The following TMEM132B variants were observed in gnomAD, a reference collection of about 807,000 sequenced individuals.
TMEM132B encodes the protein transmembrane protein 132B.
Under a neutral mutation model 90.8 loss-of-function variants are expected in TMEM132B, and 18 were observed. The ratio of observed to expected loss-of-function variants is 0.20; its 90% CI spans 0.14 to 0.29. The LOEUF is 0.29. Among genes scored for constraint, TMEM132B ranks in the 10% least tolerant of loss-of-function variants. TMEM132B has a pLI of 1.00. For synonymous variants in TMEM132B, 504 were observed against 523.3 expected (o/e 0.96, Z 0.50); for missense variants, 1,096 against 1,326.8 (o/e 0.83, Z 2.70).
chr12:125,411,510 T>C (rs1879838789), intron 2 of TMEM132B, among the ~76,000 whole-genome samples: 1 of 151,844 alleles, frequency 6.6e-6, no homozygotes, highest in Non-Finnish European at 1.5e-5. Flanking sequence ...ACTTAAAGTA[T>C]AATAATAATA....
intron 1 of TMEM132B, among the ~76,000 whole-genome samples, chr12:125,273,060 T>A (rs557428625): frequency 6.6e-6 from 1 of 152,356 alleles, no homozygotes; most frequent in South Asian, 2.1e-4. Flanking sequence ...AGATACAAAA[T>A]CATCTTTATA....
intron 3 of TMEM132B, among the ~76,000 whole-genome samples, chr12:125,439,471 G>A (rs992553254): frequency 6.6e-6 from 1 of 152,060 alleles, no homozygotes; most frequent in African/African-American, 2.4e-5. Flanking sequence ...TCTTGGCTTG[G>A]CTACTGTTGG....
chr12:125,513,039 G>A (rs866199645), intron 3 of TMEM132B, among the ~76,000 whole-genome samples: 4 of 152,184 alleles, frequency 2.6e-5, no homozygotes, highest in South Asian at 2.1e-4. Flanking sequence ...TGTGGCAGCT[G>A]CCTGTCATCT....
intron 4 of TMEM132B, among the ~76,000 whole-genome samples, chr12:125,571,326 TG>T (rs1483514625): frequency 3.9e-5 from 6 of 152,162 alleles, no homozygotes; most frequent in Non-Finnish European, 8.8e-5. Context: ...TAGGGATGCT[TG>T]AGGATTAAAT....
At chr12:125,651,002 C>T (rs1314782206) in intron 7 of TMEM132B, 49 bp downstream of exon 7, 2 of 1,600,446 alleles carry the variant, frequency 1.2e-6, no homozygotes, top group Non-Finnish European at 1.7e-6. Flanking sequence ...TGATGAGTGG[C>T]CAGGTAGATG....
intron 4 of TMEM132B, among the ~76,000 whole-genome samples, chr12:125,536,864 GA>G (rs71092298): frequency 6.6e-6 from 1 of 150,476 alleles, no homozygotes; most frequent in African/African-American, 2.4e-5. Context: ...AGATTATCCT[GA>G]AAAAAAAATA....
chr12:125,643,949 C>G lies in TMEM132B; in HGVS notation c.1438-127C>G, dbSNP rs781344243. 52 of 765,824 alleles carry G rather than the reference C, an allele frequency of 6.8e-5. No homozygotes were observed. In the African/African-American group the frequency reaches 7.6e-4, roughly 11 times the overall value. 47.4% of individuals were successfully genotyped at this position (765,824 alleles called of 1,614,324 possible). On this transcript the variant is annotated intron_variant, in intron 5 of 8. Coordinates refer to ENST00000682704, the MANE Select transcript of TMEM132B (RefSeq NM_001366854.1). The stretch of plus-strand genomic sequence containing the variant: ...CTACAAATTACCTTTTGTACAAGTT[C>G]TGTTCATTGGGTTGTTTTGGTGTCT...
chr12:125,619,340 ATT>A (rs774064590), intron 5 of TMEM132B, among the ~76,000 whole-genome samples: 4 of 15,984 alleles, frequency 2.5e-4, no homozygotes, highest in Non-Finnish European at 6.9e-4. Flanking sequence ...ATATTTATTT[ATT>A]TATTTATTTA....
At chr12:125,312,162 C>T (rs985634242) in intron 1 of TMEM132B, among the ~76,000 whole-genome samples, 6 of 152,158 alleles carry the variant, frequency 3.9e-5, no homozygotes, top group Admixed American at 2.6e-4. Flanking sequence ...AAATTCAGCC[C>T]GATAGACTCT....
chr12:125,449,509 T>A lies in TMEM132B; in HGVS notation c.1106+33832T>A, dbSNP rs372930228. ...CTGGCTGGAGATTTATCAATTTTTT[T>A]AATGTTTCCCAAGAATTAGTTTTTC... On this transcript the variant is annotated intron_variant, in intron 3 of 8. Transcript: ENST00000682704. 1.2e-3 allele frequency among the ~76,000 whole-genome samples: 177 copies of A among 152,328 alleles called. 1 individual carries two copies. Among genetic ancestry groups the A allele is most frequent in the African/African-American group, 4.1e-3 (170 of 41,572 alleles).
intron 2 of TMEM132B, among the ~76,000 whole-genome samples, chr12:125,409,293 A>G (rs1338457145): frequency 6.6e-6 from 1 of 152,154 alleles, no homozygotes; most frequent in Non-Finnish European, 1.5e-5. Context: ...GAAATCAACC[A>G]CACTGGAATT....
chr12:125,411,705 A>C (rs1167930385), intron 2 of TMEM132B, among the ~76,000 whole-genome samples: 1 of 151,940 alleles, frequency 6.6e-6, no homozygotes, highest in African/African-American at 2.4e-5. Context: ...GCTTAGCAGC[A>C]ATTAGCTAGA....
chr12:125,622,278 A>G (rs1300714866), intron 5 of TMEM132B, among the ~76,000 whole-genome samples: 1 of 152,254 alleles, frequency 6.6e-6, no homozygotes, highest in South Asian at 2.1e-4. Flanking sequence ...CAGATATGTT[A>G]GATGAGATTA....
At chr12:125,314,581 C>A (rs1191824754) in intron 1 of TMEM132B, among the ~76,000 whole-genome samples, 1 of 152,130 alleles carries the variant, frequency 6.6e-6, no homozygotes, top group Non-Finnish European at 1.5e-5. Flanking sequence ...AGAGACTGAG[C>A]CAGCAAGGCT....
intron 5 of TMEM132B, among the ~76,000 whole-genome samples, chr12:125,598,191 C>A (rs1885489401): frequency 6.6e-6 from 1 of 152,084 alleles, no homozygotes; most frequent in Non-Finnish European, 1.5e-5. Context: ...CTTGACACAG[C>A]AATTACACGC....
chr12:125,595,904 C>T (rs1885428428), intron 5 of TMEM132B, among the ~76,000 whole-genome samples: 1 of 151,444 alleles, frequency 6.6e-6, no homozygotes, highest in East Asian at 1.9e-4. Flanking sequence ...TTGGACTATC[C>T]ACAAACTAAC....
At chr12:125,502,003 AGTGT>A (rs1041931575) in intron 3 of TMEM132B, among the ~76,000 whole-genome samples, 1 of 152,086 alleles carries the variant, frequency 6.6e-6, no homozygotes, top group Non-Finnish European at 1.5e-5. Context: ...TATCTGCATG[AGTGT>A]GTGTGTGCAC....
At position 125,342,539 on chromosome 12, in the gene TMEM132B, A is replaced by T. The variant is rs7979161; in HGVS notation, c.68-6913A>T. ...TGTTCCTTCTTAGGTCCTGCCTATA[A>T]GGGAAGATAGAGGCAACTGCAAGGC... On this transcript the variant is annotated intron_variant, in intron 1 of 8. Coordinates refer to ENST00000682704, the MANE Select transcript of TMEM132B (RefSeq NM_001366854.1). Among the ~76,000 whole-genome samples the T allele has an allele frequency of 8.2e-3, 1,248 of 152,318 alleles. 17 individuals carry two copies. The highest frequency in any genetic ancestry group is 0.029 in the African/African-American group (1,185 of 41,562).
chr12:125,646,614 G>A (rs1886770181), intron 6 of TMEM132B, among the ~76,000 whole-genome samples: 1 of 152,154 alleles, frequency 6.6e-6, no homozygotes, highest in Non-Finnish European at 1.5e-5. Flanking sequence ...AATCCACAGT[G>A]CCAGGGGAAC....
Sources: gnomAD v4.1 joint callset for allele counts (sites outside exome capture counted in the v4.1 genomes callset) on GRCh38, gnomAD v4.1.1 for gene constraint, MANE v1.5 for transcripts, NCBI Gene and HGNC (gene_info 2026-07-23, HGNC 2026-07-21) for gene names.